FBRSL1: variants seen among roughly 807,000 people sequenced by gnomAD.
FBRSL1 encodes fibrosin like 1, also known as fibrosin-1-like protein.
Under a neutral mutation model 89.6 loss-of-function variants are expected in FBRSL1, and 51 were observed. That is an observed-to-expected ratio of 0.57 (90% CI 0.45 to 0.72). The LOEUF (loss-of-function observed/expected upper bound fraction) is 0.72, where lower values mean the gene tolerates loss of function less well. Among genes scored for constraint, FBRSL1 ranks in the 30% least tolerant of loss-of-function variants. FBRSL1 has a pLI of 0.00. For synonymous variants in FBRSL1, 779 were observed against 681.1 expected (o/e 1.14, Z -2.24); for missense variants, 1,618 against 1,451.8 (o/e 1.11, Z -1.86).
intron 1 of FBRSL1, among the ~76,000 whole-genome samples, chr12:132,502,079 G>A (rs760186218): frequency 6.6e-5 from 10 of 152,206 alleles, no homozygotes; most frequent in Non-Finnish European, 1.0e-4. Context: ...GTGACCTCCC[G>A]GGTCTGAGTG....
In FBRSL1 at chr12:132,583,017, AC is replaced by A. The variant is rs1466620557; in HGVS notation, c.2253del (p.Ala752LeufsTer61). ...TRLLSRASPA[T>X]PAGHPVSGLL... ...CCTGCTGAGCCGGGCCTCGCCCGCC[AC>A]CCCCGCTGGCCACCCCGTCAGCGGC... On this transcript the variant is annotated frameshift_variant, in exon 19 of 19. Transcript: ENST00000680143. LOFTEE classifies it high-confidence loss of function. 1 of 1,453,974 alleles carries A rather than the reference AC, an allele frequency of 6.9e-7. No homozygotes were observed. The highest frequency in any genetic ancestry group is 1.3e-5 in the South Asian group (1 of 75,476). 90.1% of individuals were successfully genotyped at this position (1,453,974 alleles called of 1,614,324 possible). A position where few individuals can be genotyped will look rare whatever the true frequency, so the allele number is the denominator to read the frequency against.
chr12:132,495,295 C>T (rs1240644562), intron 1 of FBRSL1, among the ~76,000 whole-genome samples: 1 of 152,232 alleles, frequency 6.6e-6, no homozygotes, highest in Non-Finnish European at 1.5e-5. Context: ...GTGACCTGGC[C>T]ATGTGGGGGC....
Position 132,574,156 on chromosome 12 carries a change from G to T in FBRSL1, c.1597G>T (p.Gly533Trp). ...TCACACACTCCTGCAGAAAGCGCCT[G>T]GGGTAGGTGTTAGTGGGCGCCCGTC... ...AVHTLLQKAP[G>W]VSDPYRAVVK... The change falls in exon 12 of 19, where the codon GGG becomes TGG. Residue 533 changes from glycine (G) to tryptophan (W), a missense_variant and splice_region_variant. By Grantham distance (184) the Gly-to-Trp change is radical. Transcript: ENST00000680143. 1 of 1,419,020 alleles carries T rather than the reference G, an allele frequency of 7.0e-7. No homozygotes were observed. The highest frequency in any genetic ancestry group is 2.6e-5 in the East Asian group (1 of 38,336). 87.9% of individuals were successfully genotyped at this position (1,419,020 alleles called of 1,614,324 possible). A position where few individuals can be genotyped will look rare whatever the true frequency, so the allele number is the denominator to read the frequency against.
intron 2 of FBRSL1, among the ~76,000 whole-genome samples, chr12:132,524,340 T>C (rs757849990): frequency 6.6e-6 from 1 of 152,246 alleles, no homozygotes; most frequent in Non-Finnish European, 1.5e-5. Flanking sequence ...TGCCTGCTAC[T>C]GTGCGGCTTG....
rs1307885628 is a variant in FBRSL1 at position 132,581,874 on chromosome 12, C to T, written c.1996+50C>T. On this transcript the variant is annotated intron_variant, in intron 17 of 18. Coordinates refer to ENST00000680143, the MANE Select transcript of FBRSL1 (RefSeq NM_001367871.1). ...CTCCCCCGATGCCCGCGCCCCTCCCCCATGCCTGTGTCCTCTGCAGGAACC... is the reference window on the plus strand; with the variant it reads ...CTCCCCCGATGCCCGCGCCCCTCCCTCATGCCTGTGTCCTCTGCAGGAACC... 5.4e-6 allele frequency: 8 copies of T among 1,474,220 alleles called. No individual in the cohort carries two copies. The East Asian group carries it at 1.7e-4, about 32-fold the overall frequency. The allele number at this position is 1,474,220 out of a possible 1,614,324, so 91.3% of individuals were successfully genotyped here.
At chr12:132,525,515 CCTGGCTGTGCAGAG>C (rs1474709277) in intron 2 of FBRSL1, among the ~76,000 whole-genome samples, 3 of 152,178 alleles carry the variant, frequency 2.0e-5, no homozygotes, top group Admixed American at 2.0e-4. Flanking sequence ...GGATGGCATT[CCTGGCTGTGCAGAG>C]CTCTGTCCTG....
Position 132,570,389 on chromosome 12 carries a change from C to A in FBRSL1, c.1062C>A (p.His354Gln). The A allele has an allele frequency of 6.5e-7, 1 of 1,534,126 alleles. No homozygotes were observed. Among genetic ancestry groups the A allele is most frequent in the Non-Finnish European group, 8.7e-7 (1 of 1,145,480 alleles). Residue 354 changes from histidine (H) to glutamine (Q), a missense_variant, in exon 8 of 19, where the codon CAC (histidine) becomes CAA (glutamine). By Grantham distance (24) the His-to-Gln change is conservative. Coordinates refer to ENST00000680143, the MANE Select transcript of FBRSL1 (RefSeq NM_001367871.1). ...GLGKHVSLSP[H>Q]GPGPHLSTSH... ...GGAAGCACGTGTCGCTGTCGCCACA[C>A]GGGCCGGGCCCCCACCTGTCTACCT...
chr12:132,570,786 C>T (rs1196696451), intron 8 of FBRSL1, among the ~76,000 whole-genome samples: 1 of 152,200 alleles, frequency 6.6e-6, no homozygotes, highest in Non-Finnish European at 1.5e-5. Context: ...CACACTGAGA[C>T]GGGCGCACGG....
chr12:132,503,040 C>T (rs1173592988), intron 1 of FBRSL1, among the ~76,000 whole-genome samples: 1 of 152,002 alleles, frequency 6.6e-6, no homozygotes, highest in Non-Finnish European at 1.5e-5. Flanking sequence ...GGCCAGGCCA[C>T]AGCCTCCATA....
chr12:132,502,237 C>T (rs1457204206), intron 1 of FBRSL1, among the ~76,000 whole-genome samples: 2 of 152,208 alleles, frequency 1.3e-5, no homozygotes, highest in Non-Finnish European at 1.5e-5. Flanking sequence ...TTCTGGGGGC[C>T]CTTCTAGAAT....
chr12:132,571,838 A>G lies in FBRSL1; in HGVS notation c.1378-450A>G, dbSNP rs1348273475. On this transcript the variant is annotated intron_variant, in intron 9 of 18. Coordinates refer to ENST00000680143, the MANE Select transcript of FBRSL1 (RefSeq NM_001367871.1). ...GAGGCCCAGACAGGCCTGAGGGCACAGGGACCATGACTCAGGGTGCCTCCC... is the reference window on the plus strand; with the variant it reads ...GAGGCCCAGACAGGCCTGAGGGCACGGGGACCATGACTCAGGGTGCCTCCC... The G allele has an allele frequency of 9.2e-6, 3 of 326,712 alleles. No homozygotes were observed. The East Asian group carries it at 1.8e-4, about 19-fold the overall frequency. The allele number at this position is 326,712 out of a possible 1,614,324, so 20.2% of individuals were successfully genotyped here. A position where few individuals can be genotyped will look rare whatever the true frequency, so the allele number is the denominator to read the frequency against.
chr12:132,574,404 G>A (rs566865874), intron 13 of FBRSL1, 56 bp downstream of exon 13: 33 of 1,548,476 alleles, frequency 2.1e-5, no homozygotes, highest in Non-Finnish European at 2.5e-5. Context: ...CCCCCGGGGC[G>A]GCCTCGGGGG....
At chr12:132,519,774 T>C (rs1399292294) in intron 2 of FBRSL1, among the ~76,000 whole-genome samples, 1 of 151,930 alleles carries the variant, frequency 6.6e-6, no homozygotes, top group African/African-American at 2.4e-5. Context: ...CTGAGTGTGG[T>C]GGCAAGTGCC....
intron 4 of FBRSL1, among the ~76,000 whole-genome samples, chr12:132,538,574 C>T (rs754338216): frequency 8.5e-5 from 13 of 152,224 alleles, no homozygotes; most frequent in Non-Finnish European, 1.6e-4. Context: ...GAGCCCCCAC[C>T]GGGAGGCACC....
At chr12:132,495,912 G>A (rs1256413785) in intron 1 of FBRSL1, among the ~76,000 whole-genome samples, 1 of 152,240 alleles carries the variant, frequency 6.6e-6, no homozygotes, top group African/African-American at 2.4e-5. Context: ...CTCTGCCTGT[G>A]CTTCTGCCCC....
Position 132,572,300 on chromosome 12 carries a change from G to T in FBRSL1, c.1390G>T (p.Ala464Ser). ...CCTTCCCTTCCAGTTTGACAAGTAT[G>T]CGCCCAAGCTGGACAGCCCCTACTT... ...RPRECQFDKYAPKLDSPYFRH... is the reference protein window; with the variant it reads ...RPRECQFDKYSPKLDSPYFRH... The change falls in exon 10 of 19, where the codon GCG (alanine) becomes TCG (serine). Residue 464 changes from alanine (A) to serine (S), a missense_variant. Transcript: ENST00000680143. 1 of 1,551,108 alleles carries T rather than the reference G, an allele frequency of 6.4e-7. No individual in the cohort carries two copies. Among genetic ancestry groups the T allele is most frequent in the Non-Finnish European group, 8.7e-7 (1 of 1,146,728 alleles).
At chr12:132,555,526 GCGTGAGCGTGGGGGCCACGGTAGCCGCCT>G (rs2038562939) in intron 5 of FBRSL1, among the ~76,000 whole-genome samples, 1 of 150,690 alleles carries the variant, frequency 6.6e-6, no homozygotes, top group Non-Finnish European at 1.5e-5. Context: ...CCCCACCCGA[GCGTGAGCGTGGGGGCCACGGTAGCCGCCT>G]CACCCGAGCG....
At chr12:132,530,200 A>G (rs1372059386) in intron 4 of FBRSL1, among the ~76,000 whole-genome samples, 2 of 152,084 alleles carry the variant, frequency 1.3e-5, no homozygotes, top group African/African-American at 4.8e-5. Context: ...TTCTCTGGGC[A>G]GTGTCCTGAC....
intron 15 of FBRSL1, among the ~76,000 whole-genome samples, chr12:132,578,979 A>G (rs1173215462): frequency 2.0e-5 from 3 of 152,116 alleles, no homozygotes; most frequent in South Asian, 4.1e-4. Context: ...AGCCCCCCGG[A>G]CACGTGCTCA....
Sources: gnomAD v4.1 joint callset for allele counts (sites outside exome capture counted in the v4.1 genomes callset) on GRCh38, gnomAD v4.1.1 for gene constraint, MANE v1.5 for transcripts, NCBI Gene and HGNC (gene_info 2026-07-23, HGNC 2026-07-21) for gene names.